Variants in PDE4D observed in about 807,000 individuals in gnomAD.
PDE4D encodes the protein 3',5'-cyclic-AMP phosphodiesterase 4D.
Under a neutral mutation model 87.4 loss-of-function variants are expected in PDE4D, and 24 were observed. The observed-to-expected ratio is 0.27, with a 90% CI of 0.20 to 0.39. The LOEUF is 0.39. PDE4D is among the 10% of genes least tolerant of loss of function. The pLI is 1.00. For missense variants in PDE4D, 714 were observed against 1,041.0 expected (o/e 0.69, Z 4.32); for synonymous variants, 384 against 383.2 (o/e 1.00, Z -0.02).
rs146612251 is a variant in PDE4D at position 59,180,575 on chromosome 5, A to G, written c.808+20T>C. On this transcript the variant is annotated intron_variant, in intron 5 of 14. Coordinates refer to ENST00000340635, the MANE Select transcript of PDE4D (RefSeq NM_001104631.2). ...GTTTCTTCCTAGACACATGAAGAATAAGCTCCAGATCTTTCTTACCTGTTA... is the reference window on the plus strand; with the variant it reads ...GTTTCTTCCTAGACACATGAAGAATGAGCTCCAGATCTTTCTTACCTGTTA... 3.1e-6 allele frequency: 5 copies of G among 1,608,824 alleles called. No homozygotes were observed. The South Asian group carries it at 5.5e-5, about 18-fold the overall frequency.
intron 5 of PDE4D, among the ~76,000 whole-genome samples, chr5:59,078,485 G>T (rs1293099496): frequency 6.6e-6 from 1 of 150,774 alleles, no homozygotes; most frequent in African/African-American, 2.4e-5. Context: ...AATTGCCATT[G>T]TAACAGTATT....
intron 1 of PDE4D, among the ~76,000 whole-genome samples, chr5:59,609,664 G>T (rs761851392): frequency 2.6e-5 from 4 of 152,048 alleles, no homozygotes; most frequent in Non-Finnish European, 5.9e-5. Flanking sequence ...TGAGAAATAA[G>T]CCTCTACTCT....
intron 1 of PDE4D, among the ~76,000 whole-genome samples, chr5:59,891,442 T>G (rs770754118): frequency 1.3e-5 from 2 of 152,198 alleles, no homozygotes; most frequent in African/African-American, 2.4e-5. Context: ...AGGCTTGCCT[T>G]CATTCTATCA....
intron 1 of PDE4D, among the ~76,000 whole-genome samples, chr5:59,799,772 T>C (rs1450246814): frequency 1.3e-5 from 2 of 152,206 alleles, no homozygotes; most frequent in Non-Finnish European, 2.9e-5. Context: ...GTGGTATCTA[T>C]ACCAGGCAAC....
chr5:59,985,122 T>C (rs1762285451), intron 3 of PDE4D, among the ~76,000 whole-genome samples: 1 of 107,546 alleles, frequency 9.3e-6, no homozygotes, highest in Non-Finnish European at 2.2e-5. Flanking sequence ...ACTTCACCTT[T>C]CGTTTTTTGT....
chr5:60,293,429 G>A (rs1398880893), intron 1 of PDE4D, among the ~76,000 whole-genome samples: 1 of 152,040 alleles, frequency 6.6e-6, no homozygotes, highest in Admixed American at 6.6e-5. Flanking sequence ...CAGGAGAATC[G>A]CTTGAACCTG....
At chr5:59,119,128 C>T (rs1264970188) in intron 5 of PDE4D, among the ~76,000 whole-genome samples, 1 of 152,114 alleles carries the variant, frequency 6.6e-6, no homozygotes, top group Non-Finnish European at 1.5e-5. Flanking sequence ...AATGTTCTTC[C>T]TGCCTCCTTT....
chr5:59,932,271 T>C (rs1317873137), intron 3 of PDE4D, among the ~76,000 whole-genome samples: 5 of 152,176 alleles, frequency 3.3e-5, no homozygotes, highest in Non-Finnish European at 5.9e-5. Context: ...GCACTGACTA[T>C]ACCAACAAAG....
chr5:59,742,074 T>C (rs115498318), intron 1 of PDE4D, among the ~76,000 whole-genome samples: 1 of 151,920 alleles, frequency 6.6e-6, no homozygotes, highest in Non-Finnish European at 1.5e-5. Flanking sequence ...GGGGGGAGGG[T>C]AGGGTGTGGA....
intron 2 of PDE4D, among the ~76,000 whole-genome samples, chr5:60,074,781 C>T (rs1773102076): frequency 6.6e-6 from 1 of 152,018 alleles, no homozygotes; most frequent in African/African-American, 2.4e-5. Flanking sequence ...CTTTTTTGAG[C>T]TTCGTTAGTT....
chr5:59,592,398 T>G (rs1053389470), intron 1 of PDE4D, among the ~76,000 whole-genome samples: 1 of 152,186 alleles, frequency 6.6e-6, no homozygotes, highest in Non-Finnish European at 1.5e-5. Context: ...TGCTAGTAGC[T>G]ACTACATTCA....
intron 2 of PDE4D, among the ~76,000 whole-genome samples, chr5:59,992,695 T>C (rs1434081609): frequency 6.6e-6 from 1 of 152,320 alleles, no homozygotes; most frequent in East Asian, 1.9e-4. Flanking sequence ...CTTTTTTAGA[T>C]AAAACTGCCT....
At chr5:60,120,827 T>C (rs1363028082) in intron 2 of PDE4D, among the ~76,000 whole-genome samples, 1 of 152,162 alleles carries the variant, frequency 6.6e-6, no homozygotes, top group Non-Finnish European at 1.5e-5. Flanking sequence ...AGTGTCAACT[T>C]GATTAGATTG....
At chr5:59,332,614 G>A (rs938500061) in intron 1 of PDE4D, among the ~76,000 whole-genome samples, 2 of 152,106 alleles carry the variant, frequency 1.3e-5, no homozygotes, top group South Asian at 2.1e-4. Flanking sequence ...AAATGTGGTC[G>A]ACAATTTGAT....
intron 5 of PDE4D, among the ~76,000 whole-genome samples, chr5:59,155,350 A>G (rs1780014705): frequency 1.3e-5 from 2 of 152,208 alleles, no homozygotes. Context: ...CCCAACAAAA[A>G]CATGTTGAAT....
intron 1 of PDE4D, among the ~76,000 whole-genome samples, chr5:59,770,566 A>C (rs1340075557): frequency 6.6e-6 from 1 of 152,240 alleles, no homozygotes. Context: ...ATGTATTTGT[A>C]CATGTTTTTA....
At chr5:60,138,694 C>T (rs1247578540) in intron 2 of PDE4D, among the ~76,000 whole-genome samples, 1 of 152,028 alleles carries the variant, frequency 6.6e-6, no homozygotes, top group Non-Finnish European at 1.5e-5. Context: ...GAAGTGCCTA[C>T]AAATGTGAAC....
At chr5:59,706,688 C>T (rs1042499094) in intron 1 of PDE4D, among the ~76,000 whole-genome samples, 1 of 152,068 alleles carries the variant, frequency 6.6e-6, no homozygotes, top group African/African-American at 2.4e-5. Context: ...GCTTATAGGA[C>T]ATAACCCATA....
intron 1 of PDE4D, among the ~76,000 whole-genome samples, chr5:59,339,237 T>G (rs547496418): frequency 6.6e-6 from 1 of 152,348 alleles, no homozygotes; most frequent in East Asian, 1.9e-4. Context: ...AGTTTTGCTT[T>G]TTCTGATGTA....
Sources: gnomAD v4.1 joint callset for allele counts (sites outside exome capture counted in the v4.1 genomes callset) on GRCh38, gnomAD v4.1.1 for gene constraint, MANE v1.5 for transcripts, NCBI Gene and HGNC (gene_info 2026-07-23, HGNC 2026-07-21) for gene names.